The following LOXHD1 variants were observed in gnomAD, a reference collection of about 807,000 sequenced individuals.
LOXHD1 encodes lipoxygenase homology PLAT domains 1.
LOXHD1 carries 205 observed loss-of-function variants against 248.2 expected under a neutral mutation model. That is an observed-to-expected ratio of 0.83 (90% confidence interval 0.74 to 0.93). The LOEUF is 0.93. LOXHD1 is among the 40% of genes least tolerant of loss of function. The pLI is 0.00. For synonymous variants in LOXHD1, 1,113 were observed against 1,162.8 expected (o/e 0.96, Z 0.87); for missense variants, 2,930 against 2,971.6 (o/e 0.99, Z 0.33).
At chr18:46,614,949 T>C (rs1230819582) in intron 5 of LOXHD1, among the ~76,000 whole-genome samples, 1 of 152,186 alleles carries the variant, frequency 6.6e-6, no homozygotes, top group Non-Finnish European at 1.5e-5. Flanking sequence ...CTTCTTGGTG[T>C]GATGTCTTGG....
At chr18:46,484,504 C>T (rs963032899) in intron 39 of LOXHD1, among the ~76,000 whole-genome samples, 1 of 152,170 alleles carries the variant, frequency 6.6e-6, no homozygotes, top group African/African-American at 2.4e-5. Flanking sequence ...TCACCAGACA[C>T]CAGATTTGCT....
In LOXHD1 at chr18:46,541,949, A is replaced by G; in HGVS notation, c.3749-9T>C. 6.5e-7 allele frequency: 1 copy of G among 1,548,658 alleles called. No homozygotes were observed. Among genetic ancestry groups the G allele is most frequent in the Non-Finnish European group, 8.7e-7 (1 of 1,145,148 alleles). ...CCAGCCTGGGGCCTTGCCTAGAGAGAGAGGAGACACAAAACCCATCAAGGA... is the reference window on the plus strand; with the variant it reads ...CCAGCCTGGGGCCTTGCCTAGAGAGGGAGGAGACACAAAACCCATCAAGGA... On this transcript the variant is annotated splice_polypyrimidine_tract_variant and intron_variant, in intron 24 of 40. Coordinates refer to ENST00000642948, the MANE Select transcript of LOXHD1 (RefSeq NM_001384474.1).
At chr18:46,620,889 C>T (rs543558080) in intron 4 of LOXHD1, among the ~76,000 whole-genome samples, 5 of 152,174 alleles carry the variant, frequency 3.3e-5, no homozygotes, top group Non-Finnish European at 5.9e-5. Flanking sequence ...CGAACGCACA[C>T]GGGACTTTGG....
intron 4 of LOXHD1, among the ~76,000 whole-genome samples, chr18:46,626,926 G>A (rs1186564541): frequency 6.6e-6 from 1 of 152,202 alleles, no homozygotes; most frequent in Non-Finnish European, 1.5e-5. Context: ...ATTAGATTAA[G>A]ATTAATAGTT....
intron 40 of LOXHD1, among the ~76,000 whole-genome samples, chr18:46,482,381 G>A (rs976645010): frequency 1.3e-5 from 2 of 151,978 alleles, no homozygotes; most frequent in African/African-American, 4.8e-5. Flanking sequence ...AGAAACCAGA[G>A]CTCTCTCTCT....
At chr18:46,631,829 G>A (rs9956720) in intron 4 of LOXHD1, among the ~76,000 whole-genome samples, 83 of 152,324 alleles carry the variant, frequency 5.4e-4, no homozygotes, top group African/African-American at 1.9e-3. Flanking sequence ...TCGGCTGTCC[G>A]TGGTCTGGTT....
At chr18:46,497,791 T>A (rs72909379) in intron 37 of LOXHD1, among the ~76,000 whole-genome samples, 43 of 152,328 alleles carry the variant, frequency 2.8e-4, no homozygotes, top group Non-Finnish European at 5.9e-4. Flanking sequence ...GTTACAAATA[T>A]GTCGACTGTT....
At chr18:46,568,163 G>C (rs1261501225) in intron 16 of LOXHD1, among the ~76,000 whole-genome samples, 1 of 152,184 alleles carries the variant, frequency 6.6e-6, no homozygotes, top group Admixed American at 6.5e-5. Context: ...GAAATAGGGT[G>C]GGACTCCCAG....
chr18:46,511,864 C>G (rs1413932732), intron 34 of LOXHD1, among the ~76,000 whole-genome samples: 1 of 152,178 alleles, frequency 6.6e-6, no homozygotes, highest in Non-Finnish European at 1.5e-5. Context: ...CACCCTCCTT[C>G]CAGTCTGAAG....
chr18:46,488,934 C>T, intron 38 of LOXHD1, 38 bp downstream of exon 38: 1 of 1,538,100 alleles, frequency 6.5e-7, no homozygotes, highest in Non-Finnish European at 8.8e-7. Flanking sequence ...AGCACCATTC[C>T]CTGCCTCCCT....
intron 12 of LOXHD1, among the ~76,000 whole-genome samples, chr18:46,585,636 A>G (rs1319914182): frequency 6.6e-6 from 1 of 152,182 alleles, no homozygotes; most frequent in African/African-American, 2.4e-5. Flanking sequence ...TATAGATTCA[A>G]TGTAGCCCCT....
chr18:46,612,707 T>C (rs2038526517), intron 5 of LOXHD1, among the ~76,000 whole-genome samples: 1 of 152,156 alleles, frequency 6.6e-6, no homozygotes. Flanking sequence ...GATACTCCTT[T>C]AGAGTTTCTT....
chr18:46,533,159 T>C lies in LOXHD1; in HGVS notation c.4375+3A>G. On this transcript the variant is annotated splice_donor_region_variant and intron_variant, in intron 28 of 40. Transcript: ENST00000642948. ...GTGATGAGGGTGGCCACACCACACTTACTGTCCAGAGGCTCTTCTACTTCC... is the reference window on the plus strand; with the variant it reads ...GTGATGAGGGTGGCCACACCACACTCACTGTCCAGAGGCTCTTCTACTTCC... 1 of 1,551,614 alleles carries C rather than the reference T, an allele frequency of 6.4e-7. No homozygotes were observed. Among genetic ancestry groups the C allele is most frequent in the South Asian group, 1.2e-5 (1 of 84,060 alleles).
chr18:46,477,129 A>G, downstream of LOXHD1: 1 of 717,702 alleles, frequency 1.4e-6, no homozygotes, highest in Non-Finnish European at 2.6e-6. Flanking sequence ...AAAATACACC[A>G]TCTTGATGGC....
intron 32 of LOXHD1, 129 bp downstream of exon 32, chr18:46,521,972 C>T (rs746559088): frequency 7.9e-5 from 59 of 743,758 alleles, no homozygotes; most frequent in Non-Finnish European, 1.1e-4. Context: ...TTCTTCTCTG[C>T]TACCTGCTCT....
intron 38 of LOXHD1, among the ~76,000 whole-genome samples, chr18:46,486,245 G>A (rs2033043336): frequency 6.6e-6 from 1 of 152,124 alleles, no homozygotes; most frequent in South Asian, 2.1e-4. Context: ...CTGGATGACT[G>A]ACGGTCTGGG....
chr18:46,587,538 T>C (rs113418907), intron 12 of LOXHD1, among the ~76,000 whole-genome samples: 132 of 152,328 alleles, frequency 8.7e-4, no homozygotes, highest in African/African-American at 3.1e-3. Flanking sequence ...ACCCCAGCCA[T>C]GGATGTCCCG....
At chr18:46,636,857 A>AT (rs1251301426) in intron 4 of LOXHD1, among the ~76,000 whole-genome samples, 1 of 152,240 alleles carries the variant, frequency 6.6e-6, no homozygotes, top group Non-Finnish European at 1.5e-5. Context: ...TCATTGGAAT[A>AT]TTTGAAGCCT....
intron 33 of LOXHD1, 21 bp from the exon 34 acceptor site, chr18:46,518,277 G>A (rs1598899143): frequency 1.3e-6 from 2 of 1,549,304 alleles, no homozygotes; most frequent in South Asian, 1.2e-5. Flanking sequence ...AGGAATGCAG[G>A]TGCTGAGTCT....
Sources: allele counts gnomAD v4.1 joint callset (sites outside exome capture counted in the v4.1 genomes callset), GRCh38; gene constraint gnomAD v4.1.1; transcripts MANE v1.5; gene names NCBI Gene and HGNC (gene_info 2026-07-23, HGNC 2026-07-21).